Variants in GPR137B observed in about 807,000 individuals in gnomAD.
The protein encoded by GPR137B is integral membrane protein GPR137B.
Under a neutral mutation model 42.5 loss-of-function variants are expected in GPR137B, and 42 were observed. That is an observed-to-expected ratio of 0.99 (90% CI 0.77 to 1.28). The LOEUF is 1.28. GPR137B is among the 50% of genes most tolerant of loss of function. GPR137B has a pLI of 0.00. For synonymous variants in GPR137B, 218 were observed against 209.7 expected, an observed-to-expected ratio of 1.04 and a Z score of -0.34; for missense variants, 487 against 493.9, an observed-to-expected ratio of 0.99 and a Z score of 0.13.
intron 1 of GPR137B, among the ~76,000 whole-genome samples, chr1:236,159,980 T>G (rs947715571): frequency 2.6e-5 from 4 of 152,128 alleles, no homozygotes; most frequent in African/African-American, 9.7e-5. Flanking sequence ...TGGCTCAGCC[T>G]TCAACAAGTC....
At chr1:236,200,598 GTCTC>G (rs781630958) in intron 5 of GPR137B, among the ~76,000 whole-genome samples, 2 of 151,930 alleles carry the variant, frequency 1.3e-5, no homozygotes, top group African/African-American at 2.4e-5. Flanking sequence ...AATAAATAAT[GTCTC>G]TCTTTGTCTT....
intron 1 of GPR137B, among the ~76,000 whole-genome samples, chr1:236,149,290 G>A (rs1284241764): frequency 6.6e-6 from 1 of 152,204 alleles, no homozygotes; most frequent in African/African-American, 2.4e-5. Flanking sequence ...GGCACTGGGG[G>A]TCCAGCAGCC....
At chr1:236,192,499 C>T (rs1049807369) in intron 5 of GPR137B, among the ~76,000 whole-genome samples, 2 of 152,232 alleles carry the variant, frequency 1.3e-5, no homozygotes, top group East Asian at 1.9e-4. Flanking sequence ...TCCTGGTCTG[C>T]GGGTTGTGAA....
In GPR137B at chr1:236,205,238, G is replaced by A. The variant is rs1663623007; in HGVS notation, c.1079G>A (p.Gly360Glu). Reference sequence around the variant, plus strand: ...CTTGCCTGGAACATTGCCCCTCAGGGACTTCAGGGAGGGTAAGACCCTACT... The same window carrying A: ...CTTGCCTGGAACATTGCCCCTCAGGAACTTCAGGGAGGGTAAGACCCTACT... ...DDLAWNIAPQ[G>E]LQGGFAPDYY... The change falls in exon 6 of 7, where the codon GGA becomes GAA. Residue 360 changes from glycine to glutamate, a missense_variant. By Grantham distance (98) the Gly-to-Glu change is moderately conservative. Transcript: ENST00000366592. 2.5e-6 allele frequency: 4 copies of A among 1,613,404 alleles called. No individual in the cohort carries two copies. The highest frequency in any genetic ancestry group is 3.4e-6 in the Non-Finnish European group (4 of 1,179,422).
chr1:236,166,270 C>G (rs1326609673), intron 1 of GPR137B, among the ~76,000 whole-genome samples: 1 of 151,720 alleles, frequency 6.6e-6, no homozygotes, highest in African/African-American at 2.4e-5. Flanking sequence ...TAATCTATTT[C>G]TTGTTTCTAA....
Position 236,153,613 on chromosome 1 carries a change from A to T in GPR137B, c.414+10577A>T, listed in dbSNP as rs1661934126. ...GCAGACTGTTTAAGGTCAAACTTAG[A>T]TTCTCGCTGCGTGGAACTTAGCCTT... is the stretch of plus-strand genomic sequence containing the variant. On this transcript the variant is annotated intron_variant, in intron 1 of 6. Coordinates refer to ENST00000366592, the MANE Select transcript of GPR137B (RefSeq NM_003272.4). 2.0e-5 allele frequency among the ~76,000 whole-genome samples: 3 copies of T among 152,326 alleles called. No homozygotes were observed. In the South Asian group the frequency reaches 6.2e-4, roughly 32 times the overall value.
intron 5 of GPR137B, among the ~76,000 whole-genome samples, chr1:236,189,255 C>CT (rs1663120005): frequency 6.6e-6 from 1 of 152,016 alleles, no homozygotes; most frequent in Admixed American, 6.6e-5. Context: ...TTTTGTTGAT[C>CT]TTTTCAAAAA....
intron 3 of GPR137B, 82 bp downstream of exon 3, chr1:236,178,718 G>T: frequency 1.4e-6 from 1 of 694,252 alleles, no homozygotes. Flanking sequence ...ACATTTTGAT[G>T]AATTTTAGAC....
intron 2 of GPR137B, among the ~76,000 whole-genome samples, chr1:236,175,185 C>T (rs1019809211): frequency 3.9e-5 from 6 of 152,128 alleles, no homozygotes; most frequent in Non-Finnish European, 7.3e-5. Flanking sequence ...CAGGGAGATG[C>T]TGTCTCTTAA....
chr1:236,181,951 C>G (rs112215806), intron 4 of GPR137B, among the ~76,000 whole-genome samples: 10,857 of 139,524 alleles, frequency 0.078, 1,222 homozygotes, highest in African/African-American at 0.26. Context: ...GGAGTGCAGC[C>G]GCACAATCTT....
rs752366500 is a variant in GPR137B, at chr1:236,178,567, C to T, written c.618C>T (p.Ala206=). ...ATGACACGCTCTTCGTGCTGTGTGC[C>T]GTCTCTCTCTCCATCTGTCTCTACA... ...AINDTLFVLC[A]VSLSICLYKI... is the part of the protein sequence containing the mutation. Residue 206 remains alanine, a synonymous_variant, in exon 3 of 7, where the codon GCC becomes GCT. Coordinates refer to ENST00000366592, the MANE Select transcript of GPR137B (RefSeq NM_003272.4). The T allele has an allele frequency of 1.9e-5, 31 of 1,612,806 alleles. No homozygotes were observed. The highest frequency in any genetic ancestry group is 1.3e-4 in the South Asian group (12 of 91,032).
chr1:236,176,629 G>A (rs1662694073), intron 2 of GPR137B, among the ~76,000 whole-genome samples: 1 of 152,146 alleles, frequency 6.6e-6, no homozygotes, highest in African/African-American at 2.4e-5. Flanking sequence ...CCCCTGTGAC[G>A]GGTCGTTTTC....
chr1:236,207,032 A>AATG (rs1663682610), intron 6 of GPR137B: 1 of 459,214 alleles, frequency 2.2e-6, no homozygotes, highest in Non-Finnish European at 2.9e-6. Context: ...TCTGGGATGA[A>AATG]ATGATAAAAA....
chr1:236,190,052 C>T (rs909051323), intron 5 of GPR137B, among the ~76,000 whole-genome samples: 2 of 151,726 alleles, frequency 1.3e-5, no homozygotes, highest in Non-Finnish European at 2.9e-5. Flanking sequence ...GCATTGATCC[C>T]TTTACCATTA....
chr1:236,192,281 C>T (rs552239718), intron 5 of GPR137B, among the ~76,000 whole-genome samples: 27 of 151,986 alleles, frequency 1.8e-4, no homozygotes, highest in Admixed American at 3.9e-4. Flanking sequence ...TGGGACCTAC[C>T]GAGCCAGACT....
intron 5 of GPR137B, among the ~76,000 whole-genome samples, chr1:236,195,257 C>T (rs1663301426): frequency 6.6e-6 from 1 of 151,908 alleles, no homozygotes; most frequent in Non-Finnish European, 1.5e-5. Flanking sequence ...CATACTCTCC[C>T]CCCGCCACTA....
At chr1:236,202,871 T>C (rs1230120438) in intron 5 of GPR137B, among the ~76,000 whole-genome samples, 1 of 152,184 alleles carries the variant, frequency 6.6e-6, no homozygotes, top group Admixed American at 6.5e-5. Flanking sequence ...TAATCCATTT[T>C]TTTTGATTTT....
At chr1:236,162,739 C>G (rs928269309) in intron 1 of GPR137B, among the ~76,000 whole-genome samples, 2 of 152,212 alleles carry the variant, frequency 1.3e-5, no homozygotes, top group Non-Finnish European at 2.9e-5. Flanking sequence ...GCACAGAAGT[C>G]AAGGTCTGAG....
intron 1 of GPR137B, among the ~76,000 whole-genome samples, chr1:236,144,612 GGTCGGAGAGTA>G (rs1661631935): frequency 6.6e-6 from 1 of 152,234 alleles, no homozygotes; most frequent in Non-Finnish European, 1.5e-5. Context: ...CATATTTTCC[GGTCGGAGAGTA>G]ATGCGTATTG....
Sources: allele counts gnomAD v4.1 joint callset (sites outside exome capture counted in the v4.1 genomes callset), GRCh38; gene constraint gnomAD v4.1.1; transcripts MANE v1.5; gene names NCBI Gene and HGNC (gene_info 2026-07-23, HGNC 2026-07-21).